TPCN1: variants seen among roughly 807,000 people sequenced by gnomAD.
TPCN1 encodes the protein two pore segment channel 1.
Under a neutral mutation model 108.8 loss-of-function variants are expected in TPCN1, and 52 were observed. The ratio of observed to expected loss-of-function variants is 0.48; its 90% CI spans 0.38 to 0.60. The LOEUF is 0.60. Ranked by LOEUF, TPCN1 falls within the 20% of genes least tolerant of loss-of-function variation. The pLI is 0.00. For missense variants in TPCN1, 806 were observed against 1,072.8 expected (o/e 0.75, Z 3.47); for synonymous variants, 446 against 433.7 (o/e 1.03, Z -0.35).
At chr12:113,274,330 C>T (rs777214084) in intron 10 of TPCN1, among the ~76,000 whole-genome samples, 12 of 152,022 alleles carry the variant, frequency 7.9e-5, no homozygotes, top group Non-Finnish European at 1.2e-4. Flanking sequence ...TGCCTGTAAT[C>T]CCATCTACTC....
At chr12:113,259,633 G>C (rs559224102) in intron 2 of TPCN1, among the ~76,000 whole-genome samples, 4 of 152,246 alleles carry the variant, frequency 2.6e-5, no homozygotes, top group Admixed American at 6.5e-5. Flanking sequence ...AACAGGGAAA[G>C]AGCCCCTCCT....
chr12:113,262,870 G>T (rs1031473708), intron 3 of TPCN1, among the ~76,000 whole-genome samples: 1 of 152,232 alleles, frequency 6.6e-6, no homozygotes, highest in Non-Finnish European at 1.5e-5. Flanking sequence ...CCCAGCTAGG[G>T]AGTTGCAGAG....
intron 13 of TPCN1, 39 bp downstream of exon 13, chr12:113,278,276 G>A (rs1259500045): frequency 2.5e-6 from 4 of 1,597,184 alleles, no homozygotes; most frequent in South Asian, 2.2e-5. Flanking sequence ...AGTAGACAGA[G>A]AGGTCCCCAC....
rs549987464 is a variant in TPCN1, at chr12:113,277,151, G to C, written c.1060-89G>C. On this transcript the variant is annotated intron_variant, in intron 11 of 27. Transcript: ENST00000335509. ...GAAACCAGGAACCCTGCCCTTGGAA[G>C]AATGAACAGAGCTGGAGTGGATCTG... is the stretch of plus-strand genomic sequence containing the variant. The C allele has an allele frequency of 6.0e-5, 96 of 1,604,790 alleles. No homozygotes were observed. In the African/African-American group the frequency reaches 1.1e-3, roughly 18 times the overall value.
intron 2 of TPCN1, among the ~76,000 whole-genome samples, chr12:113,228,419 A>G (rs899238088): frequency 1.3e-5 from 2 of 152,164 alleles, no homozygotes; most frequent in Admixed American, 6.5e-5. Context: ...TTCAAGACCA[A>G]CCTGGGCAAC....
intron 2 of TPCN1, among the ~76,000 whole-genome samples, chr12:113,257,850 A>G (rs955177896): frequency 3.3e-5 from 5 of 152,204 alleles, no homozygotes; most frequent in Admixed American, 3.3e-4. Context: ...TGCAATGTGG[A>G]TGAGTTTTTA....
intron 2 of TPCN1, among the ~76,000 whole-genome samples, chr12:113,233,401 G>T (rs558884627): frequency 6.6e-6 from 1 of 152,356 alleles, no homozygotes; most frequent in African/African-American, 2.4e-5. Context: ...GGCTTGGATG[G>T]CTCACAGCAG....
intron 2 of TPCN1, among the ~76,000 whole-genome samples, chr12:113,247,262 C>T (rs1334277630): frequency 2.6e-5 from 4 of 152,146 alleles, no homozygotes; most frequent in East Asian, 1.9e-4. Flanking sequence ...GGATTGGTTC[C>T]CCAGCAAGCA....
chr12:113,243,554 G>C (rs1954231998), intron 2 of TPCN1, among the ~76,000 whole-genome samples: 1 of 152,116 alleles, frequency 6.6e-6, no homozygotes, highest in South Asian at 2.1e-4. Context: ...AGGATTTTGA[G>C]ACCAGCCTGG....
rs765736040 is a variant in TPCN1 at position 113,277,238 on chromosome 12, A to G, written c.1060-2A>G. On this transcript the variant is annotated splice_acceptor_variant, in intron 11 of 27. Transcript: ENST00000335509. LOFTEE classifies it high-confidence loss of function. ...TCCACACTGCTCTTCCCTCTCCCCC[A>G]GAGGCCTGCCGGCATCTCCTACAGG... is the stretch of plus-strand genomic sequence containing the variant. 6.2e-7 allele frequency: 1 copy of G among 1,612,786 alleles called. No individual in the cohort carries two copies. Among genetic ancestry groups the G allele is most frequent in the Non-Finnish European group, 8.5e-7 (1 of 1,179,366 alleles).
chr12:113,238,921 A>G (rs1953996531), intron 2 of TPCN1, among the ~76,000 whole-genome samples: 1 of 152,162 alleles, frequency 6.6e-6, no homozygotes, highest in African/African-American at 2.4e-5. Context: ...ACTTGAGGCC[A>G]GGAATTTGAG....
In TPCN1 at chr12:113,266,145, A is replaced by G. The variant is rs779867094; in HGVS notation, c.238-35A>G. 1 of 1,609,650 alleles carries G rather than the reference A, an allele frequency of 6.2e-7. No individual in the cohort carries two copies. The highest frequency in any genetic ancestry group is 8.5e-7 in the Non-Finnish European group (1 of 1,177,270). ...CCTCTTTGGCGTTGGATGGGTCTCCAGGCTTACATGCCCACACTACTCTCA... is the reference window on the plus strand; with the variant it reads ...CCTCTTTGGCGTTGGATGGGTCTCCGGGCTTACATGCCCACACTACTCTCA... On this transcript the variant is annotated intron_variant, in intron 3 of 27. Coordinates refer to ENST00000335509, the MANE Select transcript of TPCN1 (RefSeq NM_017901.6). This position sits in a 1 kb window ranked among gnomAD's most constrained non-coding sequence, Gnocchi z 4.2.
intron 21 of TPCN1, 31 bp from the exon 22 acceptor site, chr12:113,290,097 C>A: frequency 2.1e-6 from 3 of 1,424,328 alleles, no homozygotes; most frequent in South Asian, 1.2e-5. Flanking sequence ...CCTTGTGACC[C>A]TCCCTCCTTT....
intron 2 of TPCN1, among the ~76,000 whole-genome samples, chr12:113,234,092 T>C (rs1953795513): frequency 1.3e-5 from 2 of 152,298 alleles, no homozygotes; most frequent in South Asian, 2.1e-4. Flanking sequence ...CCTTTCATAT[T>C]GTAAAAATAG....
chr12:113,243,156 T>C lies in TPCN1; in HGVS notation c.112+16192T>C, dbSNP rs571559023. Among the ~76,000 whole-genome samples the C allele has an allele frequency of 2.0e-5, 3 of 149,712 alleles. No homozygotes were observed. In the South Asian group the frequency reaches 6.4e-4, roughly 32 times the overall value. Reference sequence around the variant, plus strand: ...AGGCTGAGGTGGGTGGATCACTTGATGTCAGAAGTTCAAGACCAGCCTAGC... The same window carrying C: ...AGGCTGAGGTGGGTGGATCACTTGACGTCAGAAGTTCAAGACCAGCCTAGC... On this transcript the variant is annotated intron_variant, in intron 2 of 27. Coordinates refer to ENST00000335509, the MANE Select transcript of TPCN1 (RefSeq NM_017901.6).
intron 2 of TPCN1, among the ~76,000 whole-genome samples, chr12:113,240,938 G>A (rs1296637142): frequency 6.6e-6 from 1 of 152,034 alleles, no homozygotes; most frequent in African/African-American, 2.4e-5. Context: ...TAGAGATGGG[G>A]TTTCACCATG....
intron 2 of TPCN1, among the ~76,000 whole-genome samples, chr12:113,242,158 C>G (rs527738941): frequency 6.6e-6 from 1 of 152,228 alleles, no homozygotes; most frequent in Admixed American, 6.5e-5. Flanking sequence ...ATCTGCCTCA[C>G]GAATGTGAGC....
intron 15 of TPCN1, among the ~76,000 whole-genome samples, chr12:113,281,851 G>C (rs1358872544): frequency 6.6e-6 from 1 of 151,608 alleles, no homozygotes; most frequent in Non-Finnish European, 1.5e-5. Context: ...GTGTTTTAAG[G>C]TCATGTGGGA....
intron 14 of TPCN1, 103 bp downstream of exon 14, chr12:113,278,938 G>A: frequency 9.7e-7 from 1 of 1,035,370 alleles, no homozygotes; most frequent in East Asian, 2.4e-5. Flanking sequence ...GGGTGTGTGT[G>A]TGTGTGTGTT....
Sources: allele counts gnomAD v4.1 joint callset (sites outside exome capture counted in the v4.1 genomes callset), GRCh38; gene constraint gnomAD v4.1.1; non-coding constraint Gnocchi (gnomAD v3.1); transcripts MANE v1.5; gene names NCBI Gene and HGNC (gene_info 2026-07-23, HGNC 2026-07-21).